The following NSD1 variants were observed in gnomAD, a reference collection of about 807,000 sequenced individuals.
NSD1 encodes nuclear receptor binding SET domain protein 1.
NSD1 carries 26 observed loss-of-function variants against 242.7 expected under a neutral mutation model. That is an observed-to-expected ratio of 0.11 (90% CI 0.08 to 0.15). The LOEUF (loss-of-function observed/expected upper bound fraction) is 0.15. NSD1 is among the 10% of genes least tolerant of loss of function. The pLI is 1.00. For missense variants in NSD1, 2,495 were observed against 3,272.8 expected (o/e 0.76, Z 5.80); for synonymous variants, 1,106 against 1,178.1 (o/e 0.94, Z 1.25).
intron 5 of NSD1, among the ~76,000 whole-genome samples, chr5:177,219,486 T>C (rs982446532): frequency 1.3e-5 from 2 of 152,132 alleles, no homozygotes; most frequent in African/African-American, 4.8e-5. Context: ...CGCCCGGCCC[T>C]GTCAAAAGAT....
intron 12 of NSD1, among the ~76,000 whole-genome samples, 153 bp from the exon 13 acceptor site, chr5:177,256,798 T>C (rs1431828651): frequency 6.6e-6 from 1 of 152,226 alleles, no homozygotes; most frequent in Admixed American, 6.5e-5. Flanking sequence ...ACCAGATTGT[T>C]CATTTATAAT....
chr5:177,179,841 G>A (rs1315533859), intron 2 of NSD1, among the ~76,000 whole-genome samples: 1 of 152,144 alleles, frequency 6.6e-6, no homozygotes, highest in Non-Finnish European at 1.5e-5. Flanking sequence ...GGCCAATCAG[G>A]TATGTCTGGG....
intron 3 of NSD1, among the ~76,000 whole-genome samples, chr5:177,194,690 G>T (rs1581261885): frequency 1.9e-5 from 2 of 104,796 alleles, no homozygotes; most frequent in South Asian, 3.0e-4. Flanking sequence ...ATAAATTTTA[G>T]TGTCTTTTTT....
Position 177,135,407 on chromosome 5 carries a change from A to G in NSD1, c.304A>G (p.Lys102Glu), listed in dbSNP as rs1232156109. ...DGSESFQDPE[K>E]SDSRAQTPIV... ...ATCAGAATCCTTTCAAGACCCTGAA[A>G]AAAGTGATTCAAGAGCTCAGACGCC... Residue 102 changes from lysine (K) to glutamate (E), a missense_variant, in exon 2 of 23, where the codon AAA (lysine) becomes GAA (glutamate). This residue lies in a region of NSD1 where 376 missense variants were observed against 367.4 expected (regional missense o/e 1.02). Transcript: ENST00000439151. 1 of 1,613,514 alleles carries G rather than the reference A, an allele frequency of 6.2e-7. No individual in the cohort carries two copies. Among genetic ancestry groups the G allele is most frequent in the Non-Finnish European group, 8.5e-7 (1 of 1,179,758 alleles).
intron 17 of NSD1, among the ~76,000 whole-genome samples, chr5:177,274,721 G>GTGTGTGTT (rs1208377596): frequency 2.0e-5 from 3 of 151,558 alleles, no homozygotes; most frequent in African/African-American, 7.3e-5. Flanking sequence ...GTGTGTGTGT[G>GTGTGTGTT]TGTGTGTTGT....
intron 2 of NSD1, among the ~76,000 whole-genome samples, chr5:177,160,419 G>C (rs1758651875): frequency 6.6e-6 from 1 of 151,948 alleles, no homozygotes; most frequent in African/African-American, 2.4e-5. Context: ...TCCTGTGTCA[G>C]CCTCTTGAGT....
At chr5:177,281,035 A>G (rs1437770688) in intron 18 of NSD1, among the ~76,000 whole-genome samples, 2 of 152,202 alleles carry the variant, frequency 1.3e-5, no homozygotes, top group African/African-American at 4.8e-5. Context: ...TGTATTGATC[A>G]TGGTCACTGT....
intron 20 of NSD1, 149 bp from the exon 21 acceptor site, chr5:177,288,670 T>C: frequency 3.1e-6 from 2 of 638,796 alleles, no homozygotes; most frequent in Non-Finnish European, 5.5e-6. Flanking sequence ...ATTAATGTTA[T>C]AAGATTAGAA....
Position 177,135,144 on chromosome 5 carries a change from T to A in NSD1, c.41T>A (p.Leu14Gln). 6.2e-7 allele frequency: 1 copy of A among 1,614,246 alleles called. No homozygotes were observed. The highest frequency in any genetic ancestry group is 2.2e-5 in the East Asian group (1 of 44,888). The change falls in exon 2 of 23, where the codon CTG becomes CAG. Residue 14 changes from leucine (L) to glutamine (Q), a missense_variant. Leu to Gln is a moderately radical substitution (Grantham distance 113, BLOSUM62 -2). Around this residue, in one of 19 missense-constraint regions of NSD1, gnomAD observed 376 missense variants for 367.4 expected, o/e 1.02. Transcript: ENST00000439151. ...TCELPRRNCL[L>Q]PFSNPVNLDA... ...GAACTACCCAGAAGAAATTGTCTGC[T>A]GCCCTTTTCCAATCCAGTGAATTTA...
At chr5:177,255,950 A>G (rs1756416671) in intron 12 of NSD1, among the ~76,000 whole-genome samples, 1 of 152,158 alleles carries the variant, frequency 6.6e-6, no homozygotes, top group Non-Finnish European at 1.5e-5. Context: ...GTATTCAGTT[A>G]ATTTCAGTAG....
chr5:177,202,133 A>G (rs1278538432), intron 3 of NSD1, among the ~76,000 whole-genome samples: 1 of 151,314 alleles, frequency 6.6e-6, no homozygotes, highest in Non-Finnish European at 1.5e-5. Context: ...ATGCCATAGC[A>G]CTCCAGACTG....
chr5:177,265,277 T>TAA (rs370641855), intron 14 of NSD1: 14,452 of 557,956 alleles, frequency 0.026, 75 homozygotes, highest in South Asian at 0.053. Flanking sequence ...TCTGGACTGT[T>TAA]AAAAAAAAAA....
rs1044132905 is a variant in NSD1, at chr5:177,264,811, T to C, written c.5147-2751T>C. On this transcript the variant is annotated intron_variant, in intron 14 of 22. Transcript: ENST00000439151. ...GAGGAGAGGCACCCAGTACATGTTCTGTAGGCCTTTTAGAAAACATGGAGT... is the reference window on the plus strand; with the variant it reads ...GAGGAGAGGCACCCAGTACATGTTCCGTAGGCCTTTTAGAAAACATGGAGT... The C allele has an allele frequency of 2.9e-5, 22 of 752,458 alleles. No individual in the cohort carries two copies. The Admixed American group carries it at 3.3e-4, about 11-fold the overall frequency. 46.6% of individuals were successfully genotyped at this position (752,458 alleles called of 1,614,324 possible).
In NSD1 at chr5:177,211,802, C is replaced by G. The variant is rs746684681; in HGVS notation, c.3403C>G (p.Pro1135Ala). ...ACTCTCTTTTGAAAACGGAAAAGGC[C>G]CAGAGCTGGACTCTGTAATGAACAG... ...KGLSFENGKG[P>A]ELDSVMNSEN... Residue 1135 changes from proline to alanine, a missense_variant, in exon 5 of 23, where the codon CCA becomes GCA. Pro to Ala is a conservative substitution (Grantham distance 27). Around this residue, in one of 19 missense-constraint regions of NSD1, gnomAD observed 426 missense variants for 411.4 expected, o/e 1.04. Coordinates refer to ENST00000439151, the MANE Select transcript of NSD1 (RefSeq NM_022455.5). 4 of 1,613,984 alleles carry G rather than the reference C, an allele frequency of 2.5e-6. No individual in the cohort carries two copies. In the South Asian group the frequency reaches 4.4e-5, roughly 18 times the overall value.
intron 2 of NSD1, among the ~76,000 whole-genome samples, chr5:177,156,542 C>T (rs575338828): frequency 3.9e-4 from 59 of 152,168 alleles, no homozygotes; most frequent in African/African-American, 1.3e-3. Context: ...TGGCTTGGAG[C>T]GGTGGCTCAT....
chr5:177,261,038 C>T (rs570042851), intron 14 of NSD1, among the ~76,000 whole-genome samples: 6 of 151,970 alleles, frequency 3.9e-5, no homozygotes, highest in Admixed American at 6.6e-5. Flanking sequence ...TAAGAGATCA[C>T]GTAGAGGAAA....
At chr5:177,272,753 C>G (rs114070136) in intron 16 of NSD1, among the ~76,000 whole-genome samples, 3 of 152,026 alleles carry the variant, frequency 2.0e-5, no homozygotes, top group Admixed American at 1.3e-4. Flanking sequence ...CATGGTGGTG[C>G]ATGCCTGTAG....
At chr5:177,144,220 G>GTT (rs78751136) in intron 2 of NSD1, among the ~76,000 whole-genome samples, 3 of 146,474 alleles carry the variant, frequency 2.0e-5, no homozygotes, top group Admixed American at 6.9e-5. Context: ...ATATTTTTGA[G>GTT]TTTTTTTTTT....
Position 177,209,683 on chromosome 5 carries a change from A to T in NSD1, c.1284A>T (p.Ala428=), listed in dbSNP as rs1763177476. The change falls in exon 5 of 23, where the codon GCA becomes GCT. Residue 428 remains alanine, a synonymous_variant. Transcript: ENST00000439151. ...LSKWEASVGL[A]EQYDVPKGSK... The stretch of plus-strand genomic sequence containing the variant: ...AATGGGAAGCCAGTGTTGGACTTGC[A>T]GAACAGTATGATGTTCCCAAGGGGT... 1 of 1,614,000 alleles carries T rather than the reference A, an allele frequency of 6.2e-7. No homozygotes were observed. The highest frequency in any genetic ancestry group is 8.5e-7 in the Non-Finnish European group (1 of 1,179,986).
Sources: gnomAD v4.1 joint callset for allele counts (sites outside exome capture counted in the v4.1 genomes callset) on GRCh38, gnomAD v4.1.1 for gene constraint, gnomAD v4.1.1 regional missense constraint, MANE v1.5 for transcripts, NCBI Gene and HGNC (gene_info 2026-07-23, HGNC 2026-07-21) for gene names.